The following LRP1B variants were observed in gnomAD, a reference collection of about 807,000 sequenced individuals.
LRP1B encodes the protein LDL receptor related protein 1B, also known as low-density lipoprotein receptor-related protein 1B.
A neutral mutation model predicts 556.6 loss-of-function variants in LRP1B; 217 were observed. The ratio of observed to expected loss-of-function variants is 0.39; its 90% CI spans 0.35 to 0.44. The LOEUF is 0.44. Ranked by LOEUF, LRP1B falls within the 20% of genes least tolerant of loss-of-function variation. The pLI is 1.00. For missense variants in LRP1B, 5,053 were observed against 5,620.8 expected (o/e 0.90, Z 3.23); for synonymous variants, 2,047 against 1,865.8 (o/e 1.10, Z -2.50).
intron 35 of LRP1B, among the ~76,000 whole-genome samples, chr2:140,724,769 T>C (rs1010463888): frequency 1.3e-5 from 2 of 150,898 alleles, no homozygotes; most frequent in Non-Finnish European, 2.9e-5. Flanking sequence ...ATAGTACTAA[T>C]GCTTATACGG....
chr2:141,743,921 T>C (rs58252058), intron 2 of LRP1B, among the ~76,000 whole-genome samples: 5,757 of 149,402 alleles, frequency 0.039, 347 homozygotes, highest in African/African-American at 0.13. Flanking sequence ...TAAAGCTTTG[T>C]CAGTTTTGTT....
At chr2:141,502,634 G>A (rs1167026006) in intron 2 of LRP1B, among the ~76,000 whole-genome samples, 1 of 151,990 alleles carries the variant, frequency 6.6e-6, no homozygotes, top group Non-Finnish European at 1.5e-5. Context: ...GCTGAGGTGG[G>A]CGGATCACGA....
chr2:141,422,114 C>T (rs942158375), intron 3 of LRP1B, among the ~76,000 whole-genome samples: 1 of 152,098 alleles, frequency 6.6e-6, no homozygotes, highest in Non-Finnish European at 1.5e-5. Context: ...GACTCAGTGA[C>T]CCAACTTTTT....
chr2:142,093,181 A>G (rs1246606439), intron 1 of LRP1B, among the ~76,000 whole-genome samples: 1 of 152,108 alleles, frequency 6.6e-6, no homozygotes, highest in Non-Finnish European at 1.5e-5. Context: ...AGTAATTAAA[A>G]CTAACATTGT....
At chr2:140,696,903 C>T (rs1559060973) in intron 41 of LRP1B, among the ~76,000 whole-genome samples, 2 of 152,150 alleles carry the variant, frequency 1.3e-5, no homozygotes, top group South Asian at 2.1e-4. Context: ...AAATGTGTCA[C>T]AAATACAGTA....
At chr2:140,352,420 C>T (rs1193627447) in intron 76 of LRP1B, among the ~76,000 whole-genome samples, 1 of 152,072 alleles carries the variant, frequency 6.6e-6, no homozygotes, top group Non-Finnish European at 1.5e-5. Flanking sequence ...GTGATCCACT[C>T]GCCTTGGCCT....
At chr2:140,249,538 G>GA (rs200128433) in intron 86 of LRP1B, among the ~76,000 whole-genome samples, 3,109 of 151,514 alleles carry the variant, frequency 0.021, 37 homozygotes, top group African/African-American at 0.029. Context: ...TTATATATTG[G>GA]AAAAAACTCA....
intron 41 of LRP1B, among the ~76,000 whole-genome samples, chr2:140,635,441 T>G (rs1684038355): frequency 6.6e-6 from 1 of 151,952 alleles, no homozygotes; most frequent in South Asian, 2.1e-4. Flanking sequence ...AAAAAAAAAT[T>G]CCTTATTTTT....
At chr2:142,114,729 C>CAAT (rs1422244743) in intron 1 of LRP1B, among the ~76,000 whole-genome samples, 11 of 151,904 alleles carry the variant, frequency 7.2e-5, no homozygotes, top group Non-Finnish European at 8.8e-5. Flanking sequence ...GAGAGTAGAG[C>CAAT]AATAGATACT....
chr2:142,115,890 C>T (rs190955926), intron 1 of LRP1B, among the ~76,000 whole-genome samples: 1 of 118,648 alleles, frequency 8.4e-6, no homozygotes, highest in East Asian at 2.3e-4. Flanking sequence ...ACAGCTCTTC[C>T]TTAGAGAAGC....
intron 41 of LRP1B, among the ~76,000 whole-genome samples, chr2:140,607,677 A>T (rs997991941): frequency 3.3e-5 from 5 of 151,820 alleles, no homozygotes; most frequent in Non-Finnish European, 7.4e-5. Context: ...GTGTGTGTAT[A>T]TATATATGTA....
At chr2:140,297,711 G>A (rs1437491574) in intron 84 of LRP1B, 97 bp downstream of exon 84, 4 of 1,342,296 alleles carry the variant, frequency 3.0e-6, no homozygotes, top group Non-Finnish European at 2.0e-6. Flanking sequence ...GAAAAATAGA[G>A]GATGGCTAAA....
At chr2:141,451,068 G>T (rs1164377654) in intron 3 of LRP1B, among the ~76,000 whole-genome samples, 1 of 152,146 alleles carries the variant, frequency 6.6e-6, no homozygotes, top group Non-Finnish European at 1.5e-5. Context: ...TCAGGAATGA[G>T]CATCTTCCAA....
intron 1 of LRP1B, among the ~76,000 whole-genome samples, chr2:142,005,837 T>C (rs1201044124): frequency 6.6e-6 from 1 of 150,972 alleles, no homozygotes; most frequent in Non-Finnish European, 1.5e-5. Flanking sequence ...AAAGACACTT[T>C]AGGCTTTGGG....
chr2:141,986,224 A>G (rs1325757529), intron 1 of LRP1B, among the ~76,000 whole-genome samples: 1 of 152,004 alleles, frequency 6.6e-6, no homozygotes, highest in Non-Finnish European at 1.5e-5. Flanking sequence ...ACGTCACTGA[A>G]TTGTACGGCT....
chr2:140,455,944 CAAGTTAA>C (rs1687090832), intron 62 of LRP1B, among the ~76,000 whole-genome samples: 2 of 152,050 alleles, frequency 1.3e-5, no homozygotes, highest in Admixed American at 6.6e-5. Context: ...ATACAGTAGA[CAAGTTAA>C]CTCCTGGGAT....
Position 141,195,576 on chromosome 2 carries a change from G to GACCA in LRP1B, c.851-6997_851-6994dup, listed in dbSNP as rs142188323. 5.0e-3 allele frequency among the ~76,000 whole-genome samples: 766 copies of GACCA among 152,184 alleles called. 10 individuals carry two copies. The highest frequency in any genetic ancestry group is 0.017 in the African/African-American group (695 of 41,528). On this transcript the variant is annotated intron_variant, in intron 6 of 90. Coordinates refer to ENST00000389484, the MANE Select transcript of LRP1B (RefSeq NM_018557.3). ...TCCCAGCTCTTGGCTATCATTTTCTGACCAACCTGTAAACAAGACTGCCTA... is the reference window on the plus strand; with the variant it reads ...TCCCAGCTCTTGGCTATCATTTTCTGACCAACCAACCTGTAAACAAGACTGCCTA...
At chr2:141,093,581 C>T (rs1194831903) in intron 7 of LRP1B, among the ~76,000 whole-genome samples, 2 of 152,026 alleles carry the variant, frequency 1.3e-5, no homozygotes, top group African/African-American at 4.8e-5. Flanking sequence ...AAATTAACTG[C>T]CTGCTGTGCA....
chr2:140,489,322 C>T (rs554791087), intron 57 of LRP1B, among the ~76,000 whole-genome samples: 42 of 152,042 alleles, frequency 2.8e-4, no homozygotes, highest in African/African-American at 8.9e-4. Context: ...ACAAGAGACA[C>T]AAGGCAATAA....
Sources: gnomAD v4.1 joint callset for allele counts (sites outside exome capture counted in the v4.1 genomes callset) on GRCh38, gnomAD v4.1.1 for gene constraint, MANE v1.5 for transcripts, NCBI Gene and HGNC (gene_info 2026-07-23, HGNC 2026-07-21) for gene names.